Variants in GPC3 observed in about 807,000 individuals in gnomAD.
GPC3 encodes glypican-3.
In GPC3, 3 loss-of-function variants were observed where a neutral mutation model predicts 34.4. That is an observed-to-expected ratio of 0.09 (90% confidence interval 0.04 to 0.23). The LOEUF (loss-of-function observed/expected upper bound fraction) is 0.23, where lower values mean the gene tolerates loss of function less well. Among genes scored for constraint, GPC3 ranks in the 10% least tolerant of loss-of-function variants. The pLI is 1.00. For synonymous variants in GPC3, 177 were observed against 174.0 expected, an observed-to-expected ratio of 1.02 and a Z score of -0.13; for missense variants, 351 against 445.6, an observed-to-expected ratio of 0.79 and a Z score of 1.91.
intron 2 of GPC3, among the ~76,000 whole-genome samples, chrX:133,919,493 T>C (rs2076238325): frequency 9.0e-6 from 1 of 111,332 alleles, no homozygotes; most frequent in Non-Finnish European, 1.9e-5. Context: ...AGGAATTACA[T>C]ATAAAAATGG....
chrX:133,937,351 T>A (rs1316009306), intron 2 of GPC3, among the ~76,000 whole-genome samples: 2 of 111,469 alleles, frequency 1.8e-5, no homozygotes, highest in Non-Finnish European at 3.8e-5. Context: ...GAAGCTATAT[T>A]CTCTGGGCTA....
chrX:133,902,809 T>C (rs1415002654), intron 2 of GPC3, among the ~76,000 whole-genome samples: 1 of 112,383 alleles, frequency 8.9e-6, no homozygotes, highest in African/African-American at 3.2e-5. Context: ...ACAATCTCCA[T>C]TAATATTCTA....
chrX:133,930,159 C>T (rs1165529247), intron 2 of GPC3, among the ~76,000 whole-genome samples: 9 of 112,032 alleles, frequency 8.0e-5, no homozygotes, highest in African/African-American at 2.9e-4. Flanking sequence ...CAAACTGTGA[C>T]TTGCCAACAC....
chrX:133,741,574 A>C (rs768052680), intron 3 of GPC3, among the ~76,000 whole-genome samples: 166 of 112,326 alleles, frequency 1.5e-3, no homozygotes, highest in African/African-American at 5.4e-3. Flanking sequence ...TGGGCAAGAG[A>C]TGTACCTCAA....
intron 7 of GPC3, among the ~76,000 whole-genome samples, chrX:133,550,433 TATTACAGTA>T (rs2069424661): frequency 9.0e-6 from 1 of 111,671 alleles, no homozygotes; most frequent in South Asian, 3.8e-4. Context: ...ATTGAACCTC[TATTACAGTA>T]CTAATTTCCA....
intron 6 of GPC3, among the ~76,000 whole-genome samples, chrX:133,660,603 C>T (rs987346507): frequency 8.9e-6 from 1 of 112,096 alleles, no homozygotes; most frequent in Admixed American, 9.5e-5. Context: ...TTGGACCTCT[C>T]CTGTCTTGCT....
intron 3 of GPC3, among the ~76,000 whole-genome samples, chrX:133,734,908 AT>A (rs1163041531): frequency 8.9e-6 from 1 of 112,349 alleles, no homozygotes; most frequent in African/African-American, 3.2e-5. Context: ...ATATTTAGGA[AT>A]AAATTTAGCA....
intron 3 of GPC3, among the ~76,000 whole-genome samples, chrX:133,746,618 GA>G (rs775661425): frequency 3.0e-4 from 34 of 112,290 alleles, no homozygotes; most frequent in South Asian, 1.1e-3. Context: ...GATTGTGAAT[GA>G]AAAAATGATG....
At chrX:133,871,522 T>C (rs1387474211) in intron 2 of GPC3, among the ~76,000 whole-genome samples, 1 of 112,285 alleles carries the variant, frequency 8.9e-6, no homozygotes, top group African/African-American at 3.2e-5. Context: ...TTGTTCATTA[T>C]ACTATCCTTT....
chrX:133,726,440 A>G (rs1329991748), intron 3 of GPC3, among the ~76,000 whole-genome samples: 1 of 111,967 alleles, frequency 8.9e-6, no homozygotes, highest in Non-Finnish European at 1.9e-5. Flanking sequence ...GTTAGCATTC[A>G]GTTGTCTCGA....
chrX:133,645,613 T>C (rs1281628983), intron 6 of GPC3, among the ~76,000 whole-genome samples: 3 of 111,398 alleles, frequency 2.7e-5, no homozygotes, highest in African/African-American at 9.8e-5. Context: ...TTTTTTTTCA[T>C]CTAGAAGGGA....
chrX:133,781,132 C>T (rs781203955), intron 2 of GPC3, among the ~76,000 whole-genome samples: 5 of 111,612 alleles, frequency 4.5e-5, no homozygotes, highest in Admixed American at 9.5e-5. Flanking sequence ...CTCTCTGAAT[C>T]GATCCTCTGT....
At chrX:133,752,731 A>G (rs1376426353) in intron 3 of GPC3, among the ~76,000 whole-genome samples, 2 of 112,180 alleles carry the variant, frequency 1.8e-5, no homozygotes, top group Non-Finnish European at 3.8e-5. Flanking sequence ...TCAGACTTAG[A>G]CTGATATAAT....
At chrX:133,717,427 C>T (rs774262932) in intron 3 of GPC3, among the ~76,000 whole-genome samples, 30 of 111,186 alleles carry the variant, frequency 2.7e-4, no homozygotes, top group Admixed American at 2.9e-4. Context: ...GGTACCACAC[C>T]CTGGTCCTGG....
Position 133,535,857 on chromosome X carries a change from T to TAGG in GPC3, c.*264_*266dup. The TAGG allele has an allele frequency of 2.8e-6, 1 of 355,320 alleles. No individual in the cohort carries two copies. The allele number at this position is 355,320 out of a possible 1,213,427, so 29.3% of individuals were successfully genotyped here. On this transcript the variant is annotated 3_prime_UTR_variant, in exon 8 of 8. Transcript: ENST00000370818. Reference sequence around the variant, plus strand: ...GTAACCATGTTCTAGCAGCCAAACATAGGAGAATAATTTGGCACAACTTGA... The same window carrying TAGG: ...GTAACCATGTTCTAGCAGCCAAACATAGGAGGAGAATAATTTGGCACAACTTGA...
Position 133,624,855 on chromosome X carries a change from C to CA in GPC3, c.1414-28257dup, listed in dbSNP as rs1332997986. 4.0e-3 allele frequency among the ~76,000 whole-genome samples: 389 copies of CA among 98,170 alleles called. 2 individuals are homozygous for CA. The highest frequency in any genetic ancestry group is 0.011 in the African/African-American group (300 of 27,118). 85.2% of individuals were successfully genotyped at this position (98,170 alleles called of 115,157 possible). On this transcript the variant is annotated intron_variant, in intron 6 of 7. Coordinates refer to ENST00000370818, the MANE Select transcript of GPC3 (RefSeq NM_004484.4). ...ATACCAAAGCCTGGCAGTGACACAA[C>CA]AAAAAAAAAAAGAGAATTTTAGACC... is the stretch of plus-strand genomic sequence containing the variant.
At chrX:133,641,015 C>CTT (rs3216445) in intron 6 of GPC3, among the ~76,000 whole-genome samples, 12 of 102,522 alleles carry the variant, frequency 1.2e-4, no homozygotes, top group African/African-American at 4.2e-4. Flanking sequence ...TTTAGTTTAG[C>CTT]TTTTTTTTTT....
At chrX:133,651,176 C>CTTTTCTCT (rs1347369575) in intron 6 of GPC3, among the ~76,000 whole-genome samples, 3 of 110,285 alleles carry the variant, frequency 2.7e-5, no homozygotes, top group Non-Finnish European at 5.7e-5. Flanking sequence ...GAGTATTTTT[C>CTTTTCTCT]TTTTTTCTTT....
chrX:133,846,922 A>G (rs1415014275), intron 2 of GPC3, among the ~76,000 whole-genome samples: 1 of 111,844 alleles, frequency 8.9e-6, no homozygotes, highest in African/African-American at 3.2e-5. Flanking sequence ...ACTTCTCCTT[A>G]TAAGAACAGA....
Sources: allele counts gnomAD v4.1 joint callset (sites outside exome capture counted in the v4.1 genomes callset), GRCh38; gene constraint gnomAD v4.1.1; transcripts MANE v1.5; gene names NCBI Gene and HGNC (gene_info 2026-07-23, HGNC 2026-07-21).